The following SNRPD3 variants were observed in gnomAD, a reference collection of about 807,000 sequenced individuals.
SNRPD3 encodes the protein small nuclear ribonucleoprotein Sm D3.
For synonymous variants in SNRPD3, 66 were observed against 58.4 expected, an observed-to-expected ratio of 1.13 and a Z score of -0.59; for missense variants, 73 against 167.5, an observed-to-expected ratio of 0.44 and a Z score of 3.11.
chr22:24,564,345 T>G (rs1344979230), intron 2 of SNRPD3, among the ~76,000 whole-genome samples: 2 of 152,174 alleles, frequency 1.3e-5, no homozygotes, highest in African/African-American at 4.8e-5. Context: ...CAGGATGTCA[T>G]TTCAGTTGGG....
intron 1 of SNRPD3, among the ~76,000 whole-genome samples, 171 bp downstream of exon 1, chr22:24,556,242 C>T (rs1448984863): frequency 6.6e-6 from 1 of 151,606 alleles, no homozygotes; most frequent in Non-Finnish European, 1.5e-5. Context: ...AGTTCATTAG[C>T]TTTCCCCTCA....
intron 1 of SNRPD3, 147 bp downstream of exon 1, chr22:24,556,218 A>G (rs1286168832): frequency 2.3e-5 from 8 of 347,472 alleles, no homozygotes; most frequent in Non-Finnish European, 4.3e-5. Flanking sequence ...TCGCCTCACT[A>G]GCTCCTGGAA....
At chr22:24,562,635 C>T (rs1277129431) in intron 2 of SNRPD3, among the ~76,000 whole-genome samples, 1 of 151,920 alleles carries the variant, frequency 6.6e-6, no homozygotes, top group Non-Finnish European at 1.5e-5. Context: ...CACTTGAGCC[C>T]ACCCAGCAGT....
chr22:24,557,999 G>T (rs1042574211), intron 2 of SNRPD3, 199 bp downstream of exon 2: 53 of 434,748 alleles, frequency 1.2e-4, no homozygotes, highest in African/African-American at 1.1e-3. Flanking sequence ...AGGCAGAAAA[G>T]CCATTTGGAG....
intron 2 of SNRPD3, 64 bp from the exon 3 acceptor site, chr22:24,567,920 T>C: frequency 7.5e-7 from 1 of 1,342,130 alleles, no homozygotes; most frequent in South Asian, 1.4e-5. Flanking sequence ...CTCCCACCAG[T>C]CAAGGCCCTC....
At chr22:24,568,466 C>T (rs1007334373) in intron 3 of SNRPD3, among the ~76,000 whole-genome samples, 3 of 151,974 alleles carry the variant, frequency 2.0e-5, no homozygotes, top group Non-Finnish European at 2.9e-5. Context: ...CTCAGCCTTT[C>T]AAGTAGCTGA....
At chr22:24,569,941 G>T (rs1208903738) in intron 3 of SNRPD3, among the ~76,000 whole-genome samples, 6 of 152,248 alleles carry the variant, frequency 3.9e-5, no homozygotes, top group Non-Finnish European at 8.8e-5. Context: ...CTTCCTGTCA[G>T]GCTGCGCATG....
intron 3 of SNRPD3, 75 bp downstream of exon 3, chr22:24,568,251 C>G (rs2045214313): frequency 1.7e-6 from 2 of 1,164,700 alleles, no homozygotes; most frequent in South Asian, 2.9e-5. Context: ...CTATTACTGC[C>G]TGGAGACAGA....
intron 2 of SNRPD3, among the ~76,000 whole-genome samples, chr22:24,565,287 C>A (rs1398526681): frequency 1.3e-5 from 2 of 152,040 alleles, no homozygotes; most frequent in Non-Finnish European, 2.9e-5. Flanking sequence ...CGTGGTGTGA[C>A]CTCAAGCAGG....
chr22:24,570,627 G>A (rs1247004795), intron 3 of SNRPD3, among the ~76,000 whole-genome samples: 1 of 152,004 alleles, frequency 6.6e-6, no homozygotes, highest in Non-Finnish European at 1.5e-5. Flanking sequence ...AGGTTGCAGT[G>A]AGCCGAAATC....
chr22:24,563,206 A>ATGTG lies in SNRPD3; in HGVS notation c.127-4744_127-4741dup, dbSNP rs1177387267. ...AACACAGTGAGACCCTGTCTCATAT[A>ATGTG]TGTGTGTGTGTGTGTGTGTGTGTGT... On this transcript the variant is annotated intron_variant, in intron 2 of 3. Transcript: ENST00000215829. Among the ~76,000 whole-genome samples, 401 of 106,244 alleles carry ATGTG rather than the reference A, an allele frequency of 3.8e-3. 6 individuals are homozygous for ATGTG. Among genetic ancestry groups the ATGTG allele is most frequent in the South Asian group, 0.034 (119 of 3,550 alleles). The allele number at this position is 106,244 out of a possible 152,430, so 69.7% of individuals were successfully genotyped here. A position where few individuals can be genotyped will look rare whatever the true frequency, so the allele number is the denominator to read the frequency against.
chr22:24,559,087 T>C (rs894943462), intron 2 of SNRPD3, among the ~76,000 whole-genome samples: 1 of 152,194 alleles, frequency 6.6e-6, no homozygotes, highest in Non-Finnish European at 1.5e-5. Flanking sequence ...ATATGATACC[T>C]ATTGCTTTTT....
chr22:24,560,774 C>T (rs1374839033), intron 2 of SNRPD3, among the ~76,000 whole-genome samples: 1 of 71,432 alleles, frequency 1.4e-5, no homozygotes, highest in African/African-American at 6.5e-5. Flanking sequence ...GTTGTCCAGG[C>T]TGGAGTACAG....
intron 2 of SNRPD3, among the ~76,000 whole-genome samples, chr22:24,566,448 G>T (rs2045197449): frequency 6.6e-6 from 1 of 152,068 alleles, no homozygotes; most frequent in African/African-American, 2.4e-5. Context: ...TTTTTGTAGA[G>T]ATGAGGTCTC....
chr22:24,561,032 C>T (rs1166395707), intron 2 of SNRPD3, among the ~76,000 whole-genome samples: 4 of 145,578 alleles, frequency 2.7e-5, no homozygotes, highest in Non-Finnish European at 6.0e-5. Context: ...AGCCACTGCA[C>T]CCAGCCTTTT....
Position 24,557,557 on chromosome 22 carries a change from T to C in SNRPD3, c.-18-100T>C, listed in dbSNP as rs1408359762. ...GAAAATGCAGCTTTGGTGTTTTTGC[T>C]AAGTTTTATGGAGTGCCAGGCCTTA... On this transcript the variant is annotated intron_variant, in intron 1 of 3. Transcript: ENST00000215829. 1.7e-5 allele frequency: 14 copies of C among 800,422 alleles called. No homozygotes were observed. The East Asian group carries it at 3.9e-4, about 22-fold the overall frequency. 49.6% of individuals were successfully genotyped at this position (800,422 alleles called of 1,614,324 possible). A position where few individuals can be genotyped will look rare whatever the true frequency, so the allele number is the denominator to read the frequency against.
At chr22:24,562,984 C>T (rs754766160) in intron 2 of SNRPD3, among the ~76,000 whole-genome samples, 2 of 152,208 alleles carry the variant, frequency 1.3e-5, no homozygotes, top group Non-Finnish European at 2.9e-5. Flanking sequence ...ATGATATCCT[C>T]GACAACATCC....
At chr22:24,563,539 AAG>A (rs1464071647) in intron 2 of SNRPD3, among the ~76,000 whole-genome samples, 1 of 152,158 alleles carries the variant, frequency 6.6e-6, no homozygotes, top group African/African-American at 2.4e-5. Context: ...CTGTTGGCAT[AAG>A]TGAGAAAAAT....
At chr22:24,561,081 T>C (rs1601565839) in intron 2 of SNRPD3, among the ~76,000 whole-genome samples, 1 of 135,136 alleles carries the variant, frequency 7.4e-6, no homozygotes, top group Non-Finnish European at 1.6e-5. Context: ...TTTTTTTTTT[T>C]TTTTTTTTGA....
Sources: gnomAD v4.1 joint callset for allele counts (sites outside exome capture counted in the v4.1 genomes callset) on GRCh38, gnomAD v4.1.1 for gene constraint, MANE v1.5 for transcripts, NCBI Gene and HGNC (gene_info 2026-07-23, HGNC 2026-07-21) for gene names.